Variants in HEATR4 observed in about 807,000 individuals in gnomAD.
The protein encoded by HEATR4 is HEAT repeat-containing protein 4.
Under a neutral mutation model 108.8 loss-of-function variants are expected in HEATR4, and 95 were observed. That is an observed-to-expected ratio of 0.87 (90% CI 0.74 to 1.04). HEATR4 has a LOEUF of 1.04. Among genes scored for constraint, HEATR4 ranks in the 50% least tolerant of loss-of-function variants. The pLI, the probability that HEATR4 is intolerant of heterozygous loss-of-function variation, is 0.00. For missense variants in HEATR4, 1,152 were observed against 1,253.8 expected (o/e 0.92, Z 1.23); for synonymous variants, 443 against 459.4 (o/e 0.96, Z 0.46).
the HEATR4 span, among the ~76,000 whole-genome samples, chr14:73,572,643 T>C: frequency 0.11 from 1,269 of 11,394 alleles, 25 homozygotes; most frequent in African/African-American, 0.4. Context: ...GTTTGCATTT[T>C]TTTTTTTTTT....
chr14:73,608,919 G>A, the HEATR4 span, among the ~76,000 whole-genome samples: 1 of 152,150 alleles, frequency 6.6e-6, no homozygotes, highest in Non-Finnish European at 1.5e-5. Context: ...GCAAAAGGGG[G>A]AAAGCCTTTA....
intron 4 of HEATR4, chr14:73,520,116 T>TCAAA (rs1402396603): frequency 6.6e-6 from 1 of 152,260 alleles, no homozygotes; most frequent in Non-Finnish European, 1.5e-5. Context: ...AGAGTAATTT[T>TCAAA]GTTAAACACT....
chr14:73,612,723 GC>G, the HEATR4 span: 1 of 1,370,136 alleles, frequency 7.3e-7, no homozygotes. Context: ...GCCCACGCGC[GC>G]TACCGTGCCG....
chr14:73,547,057 G>A (rs1408513994), intron 1 of HEATR4, among the ~76,000 whole-genome samples: 4 of 107,248 alleles, frequency 3.7e-5, no homozygotes, highest in African/African-American at 1.2e-4. Flanking sequence ...CTGTACTCCA[G>A]CCTAGGCAAC....
chr14:73,571,945 T>G, the HEATR4 span, among the ~76,000 whole-genome samples: 1 of 151,508 alleles, frequency 6.6e-6, no homozygotes, highest in Non-Finnish European at 1.5e-5. Flanking sequence ...TTATTAATAA[T>G]CAAAGAAATG....
intron 6 of HEATR4, 130 bp from the exon 7 acceptor site, chr14:73,512,279 AG>A: frequency 9.9e-7 from 1 of 1,010,032 alleles, no homozygotes; most frequent in Non-Finnish European, 1.4e-6. Flanking sequence ...AGAAGAATAA[AG>A]GGCCCAGAGA....
At chr14:73,529,677 C>T (rs1888587256) in intron 2 of HEATR4, among the ~76,000 whole-genome samples, 2 of 152,186 alleles carry the variant, frequency 1.3e-5, no homozygotes, top group South Asian at 2.1e-4. Flanking sequence ...GTCGCTTACC[C>T]TCACCCTCTG....
Position 73,551,748 on chromosome 14 carries a change from G to A in HEATR4, c.-152+7003C>T, listed in dbSNP as rs371887625. 2.4e-3 allele frequency among the ~76,000 whole-genome samples: 258 copies of A among 108,702 alleles called. 51 individuals are homozygous for A. Among genetic ancestry groups the A allele is most frequent in the Middle Eastern group, 9.7e-3 (2 of 206 alleles). 71.3% of individuals were successfully genotyped at this position (108,702 alleles called of 152,430 possible). A position where few individuals can be genotyped will look rare whatever the true frequency, so the allele number is the denominator to read the frequency against. On this transcript the variant is annotated intron_variant, in intron 1 of 17. Coordinates refer to ENST00000553558, the MANE Select transcript of HEATR4 (RefSeq NM_001220484.1). ...GCTTGAACCCCAGGAGGCCGAGGTT[G>A]CAGTGAGCTGAGACCACGCCATTAC...
At position 73,523,082 on chromosome 14, in the gene HEATR4, C is replaced by T. The variant is rs569097038; in HGVS notation, c.71G>A (p.Gly24Glu). The stretch of plus-strand genomic sequence containing the variant: ...TGAGTAGTTTAAAATCATGCCCCAT[C>T]CCAGTCGTGGGGGCAGTGACTGATA... Reference protein sequence around the residue: ...CFYQSLPPRLGWGMILNYSKL... With the variant: ...CFYQSLPPRLEWGMILNYSKL... Residue 24 changes from glycine (G) to glutamate (E), a missense_variant, in exon 3 of 18, where the codon GGA becomes GAA. Physicochemically the swap from Gly to Glu is moderately conservative, Grantham distance 98. Coordinates refer to ENST00000553558, the MANE Select transcript of HEATR4 (RefSeq NM_001220484.1). 2.0e-5 allele frequency: 32 copies of T among 1,612,848 alleles called. No homozygotes were observed. In the South Asian group the frequency reaches 3.3e-4, roughly 17 times the overall value.
the HEATR4 span, chr14:73,591,728 C>A: frequency 7.3e-6 from 3 of 409,508 alleles, no homozygotes; most frequent in Non-Finnish European, 1.3e-5. Context: ...CCTTGCGCGC[C>A]CCGGGGCCCA....
chr14:73,615,409 AAAAAAC>A, the HEATR4 span, among the ~76,000 whole-genome samples: 27,488 of 105,372 alleles, frequency 0.26, 5,449 homozygotes, highest in East Asian at 0.54. Context: ...AAAAAAAAAC[AAAAAAC>A]AAAAAAAACC....
chr14:73,557,027 C>T (rs1889408667), intron 1 of HEATR4, among the ~76,000 whole-genome samples: 1 of 113,852 alleles, frequency 8.8e-6, no homozygotes, highest in Admixed American at 1.0e-4. Flanking sequence ...ACCCCACTCC[C>T]AACAAATAGC....
At chr14:73,494,704 C>T (rs1027092970) in intron 16 of HEATR4, among the ~76,000 whole-genome samples, 13 of 152,068 alleles carry the variant, frequency 8.5e-5, no homozygotes, top group Admixed American at 2.6e-4. Context: ...GTGTGTGCCA[C>T]CACACCCAGA....
At position 73,493,087 on chromosome 14, in the gene HEATR4, A is replaced by G. The variant is rs1010475849; in HGVS notation, c.2823T>C (p.Cys941=). The change falls in exon 17 of 18, where the codon TGT becomes TGC. Residue 941 remains cysteine (C), a synonymous_variant. Coordinates refer to ENST00000553558, the MANE Select transcript of HEATR4 (RefSeq NM_001220484.1). ...TTACCTTTATCACTGCTTCAGTGTC[A>G]CAAACCTCGGAAGGTCTTCTAGGAA... ...MVLPRRPSEV[C]DTEAVIKPVK... is the part of the protein sequence containing the mutation. 5.0e-6 allele frequency: 8 copies of G among 1,608,990 alleles called. No homozygotes were observed. Among genetic ancestry groups the G allele is most frequent in the Non-Finnish European group, 6.8e-6 (8 of 1,179,564 alleles).
At chr14:73,623,452 G>C in the HEATR4 span, among the ~76,000 whole-genome samples, 1 of 152,162 alleles carries the variant, frequency 6.6e-6, no homozygotes, top group Non-Finnish European at 1.5e-5. Context: ...GAGAGGCCCA[G>C]GTAGGAGGAT....
At chr14:73,501,309 T>A (rs564850050) in intron 11 of HEATR4, among the ~76,000 whole-genome samples, 1 of 152,120 alleles carries the variant, frequency 6.6e-6, no homozygotes, top group African/African-American at 2.4e-5. Context: ...GTATTTTTAG[T>A]AGAGATGGGG....
intron 2 of HEATR4, among the ~76,000 whole-genome samples, chr14:73,526,336 C>T (rs967290434): frequency 1.3e-5 from 2 of 152,170 alleles, no homozygotes; most frequent in Non-Finnish European, 2.9e-5. Flanking sequence ...TGGCCTGGGG[C>T]CCTGAATACA....
At chr14:73,484,049 G>T (rs1165481256) in intron 17 of HEATR4, among the ~76,000 whole-genome samples, 2 of 151,888 alleles carry the variant, frequency 1.3e-5, no homozygotes, top group South Asian at 4.2e-4. Context: ...TAGAGACGGG[G>T]TTTTACCATG....
the HEATR4 span, among the ~76,000 whole-genome samples, chr14:73,608,198 C>G: frequency 1.3e-5 from 2 of 152,170 alleles, no homozygotes; most frequent in African/African-American, 4.8e-5. Context: ...GCTGGGATTA[C>G]AGGCATGAGC....
Sources: gnomAD v4.1 joint callset for allele counts (sites outside exome capture counted in the v4.1 genomes callset) on GRCh38, gnomAD v4.1.1 for gene constraint, MANE v1.5 for transcripts, NCBI Gene and HGNC (gene_info 2026-07-23, HGNC 2026-07-21) for gene names.